The following KLC1 variants were observed in gnomAD, a reference collection of about 807,000 sequenced individuals.
The protein encoded by KLC1 is kinesin light chain 1.
KLC1 carries 30 observed loss-of-function variants against 84.2 expected under a neutral mutation model. The ratio of observed to expected loss-of-function variants is 0.36; its 90% CI spans 0.27 to 0.48. The LOEUF (loss-of-function observed/expected upper bound fraction) is 0.48. Among genes scored for constraint, KLC1 ranks in the 20% least tolerant of loss-of-function variants. The probability of loss-of-function intolerance (pLI) is 0.99; values close to 1 mark genes in which losing one functional copy is unlikely to be tolerated. For synonymous variants in KLC1, 289 were observed against 293.3 expected, an observed-to-expected ratio of 0.99 and a Z score of 0.15; for missense variants, 499 against 805.4, an observed-to-expected ratio of 0.62 and a Z score of 4.60.
intron 8 of KLC1, 56 bp downstream of exon 8, chr14:103,673,243 C>CAA: frequency 6.4e-7 from 1 of 1,570,806 alleles, no homozygotes. Context: ...GTCCCAAGTC[C>CAA]AAACACTTTC....
chr14:103,699,682 C>G, intron 15 of KLC1: 3 of 1,118,918 alleles, frequency 2.7e-6, no homozygotes, highest in Non-Finnish European at 4.0e-6. Flanking sequence ...TTCCTACCCA[C>G]CTGGGGCTCA....
At position 103,699,486 on chromosome 14, in the gene KLC1, G is replaced by A. The variant is rs2082922744; in HGVS notation, c.1849-1169G>A. The A allele has an allele frequency of 6.2e-7, 1 of 1,612,782 alleles. No homozygotes were observed. Among genetic ancestry groups the A allele is most frequent in the Non-Finnish European group, 8.5e-7 (1 of 1,179,936 alleles). ...TGGCTGTCAAATTCACAGCGGAATGGGGCTGCCACCGAGTCGATGACCACC... is the reference window on the plus strand; with the variant it reads ...TGGCTGTCAAATTCACAGCGGAATGAGGCTGCCACCGAGTCGATGACCACC... On this transcript the variant is annotated intron_variant, in intron 15 of 16. Transcript: ENST00000334553.
At position 103,701,119 on chromosome 14, in the gene KLC1, C is replaced by T. The variant is rs1056691491; in HGVS notation, c.*2-82C>T. On this transcript the variant is annotated intron_variant, in intron 16 of 16. Transcript: ENST00000334553. ...AGGCAGACTTGGGGTGGGGGTTCCC[C>T]AGAGAGCTGTTTCCAGAACAGAACT... 7 of 1,509,040 alleles carry T rather than the reference C, an allele frequency of 4.6e-6. No homozygotes were observed. In the African/African-American group the frequency reaches 9.7e-5, roughly 21 times the overall value. The allele number at this position is 1,509,040 out of a possible 1,614,324, so 93.5% of individuals were successfully genotyped here. A position where few individuals can be genotyped will look rare whatever the true frequency, so the allele number is the denominator to read the frequency against.
intron 1 of KLC1, among the ~76,000 whole-genome samples, chr14:103,633,721 C>G (rs2076854738): frequency 6.6e-6 from 1 of 152,142 alleles, no homozygotes; most frequent in Admixed American, 6.6e-5. Flanking sequence ...CCTACTCAAG[C>G]ACTTCCAGGT....
intron 1 of KLC1, among the ~76,000 whole-genome samples, chr14:103,631,209 T>C (rs2076658257): frequency 6.6e-6 from 1 of 151,868 alleles, no homozygotes; most frequent in African/African-American, 2.4e-5. Flanking sequence ...ACCTACTGAG[T>C]AGCTGGGACC....
At chr14:103,687,048 C>A in intron 13 of KLC1, 33 bp from the exon 14 acceptor site, 1 of 1,500,928 alleles carries the variant, frequency 6.7e-7, no homozygotes, top group Non-Finnish European at 9.0e-7. Flanking sequence ...GGAGAACCAC[C>A]TGCAGCTTCA....
intron 7 of KLC1, among the ~76,000 whole-genome samples, chr14:103,670,702 AACTG>A (rs949380882): frequency 2.6e-5 from 4 of 151,878 alleles, no homozygotes; most frequent in African/African-American, 7.3e-5. Flanking sequence ...ATGTGTTTTT[AACTG>A]ACTATTAGCT....
chr14:103,667,057 G>T (rs1265912896), intron 5 of KLC1, among the ~76,000 whole-genome samples: 2 of 152,122 alleles, frequency 1.3e-5, no homozygotes, highest in African/African-American at 2.4e-5. Context: ...GGGATTACAG[G>T]CGTGAGCCAC....
chr14:103,634,637 G>T (rs1173277282), intron 1 of KLC1, among the ~76,000 whole-genome samples: 2 of 152,256 alleles, frequency 1.3e-5, no homozygotes, highest in Middle Eastern at 3.4e-3. Context: ...AGAAGAGGAG[G>T]GAGGAGATCA....
At chr14:103,698,371 C>T (rs566436220) in intron 15 of KLC1, 1 of 249,578 alleles carries the variant, frequency 4.0e-6, no homozygotes, top group Non-Finnish European at 8.0e-6. Flanking sequence ...GGGAGACCCT[C>T]GTGGGCACGG....
intron 1 of KLC1, among the ~76,000 whole-genome samples, chr14:103,642,752 AGTTTTTTG>A (rs1264220680): frequency 1.3e-5 from 2 of 151,072 alleles, no homozygotes; most frequent in African/African-American, 2.4e-5. Flanking sequence ...TAAATAATGT[AGTTTTTTG>A]GTTTTTTGGT....
At chr14:103,672,387 C>T (rs1348759849) in intron 7 of KLC1, among the ~76,000 whole-genome samples, 2 of 152,126 alleles carry the variant, frequency 1.3e-5, no homozygotes, top group Non-Finnish European at 2.9e-5. Flanking sequence ...GCGGAGATTA[C>T]ATTGGTGAAG....
intron 16 of KLC1, 95 bp from the exon 17 acceptor site, chr14:103,701,106 G>T: frequency 6.9e-7 from 1 of 1,454,228 alleles, no homozygotes; most frequent in Non-Finnish European, 9.4e-7. Context: ...GCAGACTTGG[G>T]GTGGGGGTTC....
intron 13 of KLC1, among the ~76,000 whole-genome samples, chr14:103,682,178 G>A (rs1469040313): frequency 6.6e-6 from 1 of 151,942 alleles, no homozygotes; most frequent in African/African-American, 2.4e-5. Context: ...AGACTATCCT[G>A]GCCAACACGG....
intron 1 of KLC1, among the ~76,000 whole-genome samples, chr14:103,642,609 G>A (rs1016663420): frequency 7.9e-5 from 12 of 152,044 alleles, no homozygotes; most frequent in African/African-American, 2.9e-4. Context: ...TATAAGATGA[G>A]CCTGAAGCTT....
intron 9 of KLC1, 117 bp downstream of exon 9, chr14:103,673,548 C>T: frequency 1.6e-6 from 1 of 635,282 alleles, no homozygotes; most frequent in Non-Finnish European, 2.7e-6. Context: ...CATCACTAAG[C>T]TAAATAGTTT....
At chr14:103,697,027 C>T in intron 15 of KLC1, 2 of 985,446 alleles carry the variant, frequency 2.0e-6, no homozygotes, top group Non-Finnish European at 2.4e-6. Context: ...GGCGTGTTTT[C>T]TCTGTTAAAT....
At chr14:103,696,107 C>T (rs1005630155) in intron 15 of KLC1, 33 of 765,304 alleles carry the variant, frequency 4.3e-5, no homozygotes, top group African/African-American at 1.0e-4. Flanking sequence ...CGCCCCCCGC[C>T]CCCCCCCACA....
intron 5 of KLC1, among the ~76,000 whole-genome samples, chr14:103,668,500 C>A (rs1023763885): frequency 6.6e-6 from 1 of 151,748 alleles, no homozygotes; most frequent in African/African-American, 2.4e-5. Context: ...TCTTTTGAGA[C>A]GGAGTCTTGC....
Sources: allele counts gnomAD v4.1 joint callset (sites outside exome capture counted in the v4.1 genomes callset), GRCh38; gene constraint gnomAD v4.1.1; transcripts MANE v1.5; gene names NCBI Gene and HGNC (gene_info 2026-07-23, HGNC 2026-07-21).